The following RALGAPA2 variants were observed in gnomAD, a reference collection of about 807,000 sequenced individuals.
The protein encoded by RALGAPA2 is ral GTPase-activating protein subunit alpha-2.
A neutral mutation model predicts 230.4 loss-of-function variants in RALGAPA2; 139 were observed. The observed-to-expected ratio is 0.60, with a 90% CI of 0.53 to 0.69. RALGAPA2 has a LOEUF of 0.69. Among genes scored for constraint, RALGAPA2 ranks in the 30% least tolerant of loss-of-function variants. The pLI, the probability that RALGAPA2 is intolerant of heterozygous loss-of-function variation, is 0.00. For synonymous variants in RALGAPA2, 847 were observed against 837.8 expected, an observed-to-expected ratio of 1.01 and a Z score of -0.19; for missense variants, 2,163 against 2,276.0, an observed-to-expected ratio of 0.95 and a Z score of 1.01.
intron 36 of RALGAPA2, among the ~76,000 whole-genome samples, chr20:20,492,217 T>C (rs2062078279): frequency 6.6e-6 from 1 of 151,942 alleles, no homozygotes; most frequent in African/African-American, 2.4e-5. Flanking sequence ...TTTTTTTTTC[T>C]CCCAAAAAAG....
intron 34 of RALGAPA2, chr20:20,505,160 C>A (rs1190476705): frequency 2.0e-6 from 2 of 985,254 alleles, no homozygotes; most frequent in East Asian, 2.3e-4. Flanking sequence ...GAGAGCCCAT[C>A]TGACTATTCA....
At chr20:20,601,598 G>T (rs944939103) in intron 16 of RALGAPA2, 84 bp downstream of exon 16, 11 of 1,369,626 alleles carry the variant, frequency 8.0e-6, no homozygotes, top group Middle Eastern at 2.6e-4. Context: ...TAAATTTTGA[G>T]TAGAATTTTT....
intron 3 of RALGAPA2, among the ~76,000 whole-genome samples, chr20:20,654,527 G>A (rs2067519536): frequency 6.6e-6 from 1 of 152,152 alleles, no homozygotes; most frequent in African/African-American, 2.4e-5. Flanking sequence ...TATTTCACTT[G>A]GCAACAATGT....
chr20:20,692,500 C>T (rs1166925518), intron 1 of RALGAPA2, among the ~76,000 whole-genome samples: 4 of 152,178 alleles, frequency 2.6e-5, no homozygotes, highest in Non-Finnish European at 2.9e-5. Flanking sequence ...TCCTCCTCCA[C>T]AAAGCAGTGC....
chr20:20,417,294 A>T (rs1328502663), intron 37 of RALGAPA2, among the ~76,000 whole-genome samples: 1 of 152,216 alleles, frequency 6.6e-6, no homozygotes, highest in African/African-American at 2.4e-5. Flanking sequence ...TGGGTGGCTT[A>T]AAACAACAGA....
chr20:20,608,152 C>T (rs562888604), intron 14 of RALGAPA2, among the ~76,000 whole-genome samples: 1 of 152,258 alleles, frequency 6.6e-6, no homozygotes, highest in South Asian at 2.1e-4. Context: ...TTATCAGATA[C>T]ATTTTGGCAC....
chr20:20,421,301 G>A (rs117766321), intron 37 of RALGAPA2, among the ~76,000 whole-genome samples: 32 of 152,310 alleles, frequency 2.1e-4, no homozygotes, highest in Non-Finnish European at 4.1e-4. Context: ...AAGGACAAGC[G>A]ACAGTAATAA....
In RALGAPA2 at chr20:20,398,036, A is replaced by G. The variant is rs2059754906; in HGVS notation, c.5618-1302T>C. On this transcript the variant is annotated intron_variant, in intron 38 of 39. Coordinates refer to ENST00000202677, the MANE Select transcript of RALGAPA2 (RefSeq NM_020343.4). This position sits in a 1 kb window ranked among gnomAD's most constrained non-coding sequence, Gnocchi z 4.5. ...TTTTCCATGGATCCTCGGGATGATT[A>G]ATCATTTAGATTTCTGATTTCCCCC... Among the ~76,000 whole-genome samples the G allele has an allele frequency of 6.6e-6, 1 of 152,122 alleles. No individual in the cohort carries two copies. Among genetic ancestry groups the G allele is most frequent in the African/African-American group, 2.4e-5 (1 of 41,432 alleles).
At chr20:20,612,719 G>A (rs1253940596) in intron 13 of RALGAPA2, among the ~76,000 whole-genome samples, 1 of 152,190 alleles carries the variant, frequency 6.6e-6, no homozygotes, top group Admixed American at 6.5e-5. Flanking sequence ...ACACGCTGAA[G>A]CAGGATGGTG....
intron 37 of RALGAPA2, among the ~76,000 whole-genome samples, chr20:20,442,877 G>A (rs1028256473): frequency 6.6e-6 from 1 of 152,190 alleles, no homozygotes; most frequent in Admixed American, 6.5e-5. Flanking sequence ...ATCTATGCAC[G>A]AACTGAACCC....
rs969584557 is a variant in RALGAPA2 at position 20,682,501 on chromosome 20, C to T, written c.107-1700G>A. Among the ~76,000 whole-genome samples the T allele has an allele frequency of 3.9e-4, 59 of 152,152 alleles. 2 individuals carry two copies. Among genetic ancestry groups the T allele is most frequent in the Admixed American group, 3.8e-3 (58 of 15,282 alleles). On this transcript the variant is annotated intron_variant, in intron 1 of 39. Transcript: ENST00000202677. Reference sequence around the variant, plus strand: ...GCTCCTACTCACCCTCACTAGTCAGCTAAAACATCCCCATCTTACCCCCAA... The same window carrying T: ...GCTCCTACTCACCCTCACTAGTCAGTTAAAACATCCCCATCTTACCCCCAA...
chr20:20,412,525 T>G (rs1243688124), intron 37 of RALGAPA2, among the ~76,000 whole-genome samples: 1 of 152,192 alleles, frequency 6.6e-6, no homozygotes, highest in African/African-American at 2.4e-5. Flanking sequence ...TAAAACATTC[T>G]TAGCCTACTG....
intron 17 of RALGAPA2, among the ~76,000 whole-genome samples, chr20:20,590,409 A>G (rs2065253368): frequency 6.6e-6 from 1 of 152,208 alleles, no homozygotes; most frequent in Admixed American, 6.5e-5. Flanking sequence ...AGGATTTCTA[A>G]GACAGAATAA....
At chr20:20,537,413 A>G (rs931726901) in intron 24 of RALGAPA2, among the ~76,000 whole-genome samples, 1 of 152,082 alleles carries the variant, frequency 6.6e-6, no homozygotes, top group African/African-American at 2.4e-5. Context: ...TGAAGTCAGG[A>G]GTTCGAGACC....
intron 10 of RALGAPA2, among the ~76,000 whole-genome samples, chr20:20,621,600 G>T (rs190020882): frequency 2.8e-3 from 424 of 151,498 alleles, no homozygotes; most frequent in Non-Finnish European, 5.4e-3. Context: ...AGCTATCAAT[G>T]TTAACAAGAG....
At chr20:20,497,550 C>T (rs994013736) in intron 35 of RALGAPA2, among the ~76,000 whole-genome samples, 1 of 152,264 alleles carries the variant, frequency 6.6e-6, no homozygotes, top group African/African-American at 2.4e-5. Context: ...TGCCACCACC[C>T]GATGTTGGTG....
At chr20:20,590,715 G>A (rs747918515) in intron 17 of RALGAPA2, among the ~76,000 whole-genome samples, 11 of 152,036 alleles carry the variant, frequency 7.2e-5, no homozygotes, top group Non-Finnish European at 1.5e-4. Flanking sequence ...CAGCAGAGTC[G>A]GCAAGCTGTT....
chr20:20,507,018 C>T (rs1013591884), intron 33 of RALGAPA2, among the ~76,000 whole-genome samples: 1 of 152,330 alleles, frequency 6.6e-6, no homozygotes, highest in East Asian at 1.9e-4. Flanking sequence ...ATAGCCGTTA[C>T]ACCATTTTAG....
At position 20,393,253 on chromosome 20, in the gene RALGAPA2, C is replaced by G. The variant is rs745707907; in HGVS notation, c.*36G>C. 7.4e-7 allele frequency: 1 copy of G among 1,343,324 alleles called. No homozygotes were observed. The highest frequency in any genetic ancestry group is 1.2e-5 in the South Asian group (1 of 83,888). 83.2% of individuals were successfully genotyped at this position (1,343,324 alleles called of 1,614,324 possible). On this transcript the variant is annotated splice_region_variant and 3_prime_UTR_variant, in exon 40 of 40. Transcript: ENST00000202677. Reference sequence around the variant, plus strand: ...AGCACTCAGACTGGAGGCCAGGGCCCCTGCAAAGGAAGCAGAGAACTGCTA... The same window carrying G: ...AGCACTCAGACTGGAGGCCAGGGCCGCTGCAAAGGAAGCAGAGAACTGCTA...
Sources: allele counts gnomAD v4.1 joint callset (sites outside exome capture counted in the v4.1 genomes callset), GRCh38; gene constraint gnomAD v4.1.1; non-coding constraint Gnocchi (gnomAD v3.1); transcripts MANE v1.5; gene names NCBI Gene and HGNC (gene_info 2026-07-23, HGNC 2026-07-21).